PLEC: variants seen among roughly 807,000 people sequenced by gnomAD.
PLEC encodes hemidesmosomal protein 1.
A neutral mutation model predicts 392.8 loss-of-function variants in PLEC; 216 were observed. The observed-to-expected ratio is 0.55, with a 90% CI of 0.49 to 0.62. PLEC has a LOEUF of 0.62. PLEC is among the 20% of genes least tolerant of loss of function. The pLI is 0.00. For missense variants in PLEC, 6,863 were observed against 6,563.4 expected (o/e 1.05, Z -1.58); for synonymous variants, 3,621 against 2,980.6 (o/e 1.21, Z -7.00).
In PLEC at chr8:143,920,343, G is replaced by A. The variant is rs1554681458; in HGVS notation, c.9478C>T (p.Arg3160Ter). Residue 3160 changes from arginine (R) to a stop codon, truncating the protein, a stop_gained, in exon 32 of 32, where the codon CGA (arginine) becomes TGA (stop). Coordinates refer to ENST00000345136, the MANE Select transcript of PLEC (RefSeq NM_201384.3). LOFTEE classifies it high-confidence loss of function. ...HRVPLDVACA[R>*]GCLDEETSRA... is the part of the protein sequence containing the mutation. ...CTGGTCTCCTCATCCAGGCAGCCTC[G>A]GGCGCAGGCGACATCCAGGGGCACG... 2 of 1,593,818 alleles carry A rather than the reference G, an allele frequency of 1.3e-6. No individual in the cohort carries two copies. Among genetic ancestry groups the A allele is most frequent in the Non-Finnish European group, 1.7e-6 (2 of 1,175,404 alleles).
chr8:143,966,152 C>T (rs1007596222), intron 1 of PLEC, among the ~76,000 whole-genome samples: 3 of 152,230 alleles, frequency 2.0e-5, no homozygotes, highest in Non-Finnish European at 4.4e-5. Flanking sequence ...CAGGCCTCAC[C>T]CTGCTCCCAA....
rs553811387 is a variant in PLEC at position 143,931,977 on chromosome 8, C to G, written c.2138G>C (p.Cys713Ser). The change falls in exon 18 of 32, where the codon TGT (cysteine) becomes TCT (serine). Residue 713 changes from cysteine to serine, a missense_variant. Coordinates refer to ENST00000345136, the MANE Select transcript of PLEC (RefSeq NM_201384.3). ...GTTCTCCTTCAGGTGTGCCTCGATA[C>G]AGCAGCACAGCTGTAGCATCCAGCT... Reference protein sequence around the residue: ...QWSWMLQLCCCIEAHLKENAA... With the variant: ...QWSWMLQLCCSIEAHLKENAA... The G allele has an allele frequency of 4.9e-5, 79 of 1,608,026 alleles. 1 individual carries two copies. The South Asian group carries it at 8.3e-4, about 17-fold the overall frequency.
chr8:143,923,333 T>G lies in PLEC; in HGVS notation c.6596A>C (p.Asp2199Ala), dbSNP rs1406926185. The change falls in exon 31 of 32, where the codon GAC becomes GCC. Residue 2199 changes from aspartate to alanine, a missense_variant. Asp to Ala is a moderately radical substitution (Grantham distance 126). Transcript: ENST00000345136. ...CTCGTCCAGCAGGTTCTTCTGGTGGTCGGTCTCCTCCAGCTGCAGCCGCAG... is the reference window on the plus strand; with the variant it reads ...CTCGTCCAGCAGGTTCTTCTGGTGGGCGGTCTCCTCCAGCTGCAGCCGCAG... ...TTLRLQLEET[D>A]HQKNLLDEEL... 1 of 1,609,938 alleles carries G rather than the reference T, an allele frequency of 6.2e-7. No homozygotes were observed. The highest frequency in any genetic ancestry group is 8.5e-7 in the Non-Finnish European group (1 of 1,179,452).
intron 2 of PLEC, 81 bp downstream of exon 2, chr8:143,938,550 C>G (rs1829695246): frequency 1.9e-6 from 3 of 1,557,264 alleles, no homozygotes. Context: ...ATGGGGACAG[C>G]CTTGGGCGGC....
chr8:143,943,674 T>A (rs1830912981), upstream of PLEC: 4 of 1,096,732 alleles, frequency 3.6e-6, no homozygotes, highest in Non-Finnish European at 4.0e-6. Flanking sequence ...TTCACTGACA[T>A]TCAGCTTGGA....
At chr8:143,974,058 C>A (rs1281475609), upstream of PLEC, among the ~76,000 whole-genome samples, 1 of 152,222 alleles carries the variant, frequency 6.6e-6, no homozygotes, top group Non-Finnish European at 1.5e-5. The surrounding 1 kb of genome is among the most constrained non-coding windows in gnomAD (Gnocchi z 5.9). Flanking sequence ...GCAAAGCCCC[C>A]GCTCTCCCCG....
At chr8:143,928,116 G>C in intron 25 of PLEC, 124 bp from the exon 26 acceptor site, 1 of 1,184,302 alleles carries the variant, frequency 8.4e-7, no homozygotes, top group Non-Finnish European at 1.2e-6. Context: ...CTGGGGGTCA[G>C]CTGACCCTGT....
exon 1 of PLEC, chr8:143,950,744 C>T: frequency 6.5e-7 from 1 of 1,541,962 alleles, no homozygotes; most frequent in Non-Finnish European, 8.7e-7. Flanking sequence ...GGGGCAAAGG[C>T]AGCAGGCAGG....
In PLEC at chr8:143,927,347, T is replaced by C. The variant is rs782298568; in HGVS notation, c.3757-12A>G. ...TCCTCCAGCAGGGCCTGGGTGATGGTGTGGTCAGAGCCGTGGCCGCAGGGC... is the reference window on the plus strand; with the variant it reads ...TCCTCCAGCAGGGCCTGGGTGATGGCGTGGTCAGAGCCGTGGCCGCAGGGC... On this transcript the variant is annotated splice_polypyrimidine_tract_variant and intron_variant, in intron 27 of 31. Coordinates refer to ENST00000345136, the MANE Select transcript of PLEC (RefSeq NM_201384.3). 3.1e-6 allele frequency: 5 copies of C among 1,612,556 alleles called. No individual in the cohort carries two copies. In the South Asian group the frequency reaches 4.4e-5, roughly 14 times the overall value.
chr8:143,920,077 G>A lies in PLEC; in HGVS notation c.9744C>T (p.Gly3248=). ...TGAGCTCCCACACCGTCACCGTCCTGCCCTTGAAGCCACCCACGGGGACCT... is the reference window on the plus strand; with the variant it reads ...TGAGCTCCCACACCGTCACCGTCCTACCCTTGAAGCCACCCACGGGGACCT... ...PVEVPVGGFK[G]RTVTVWELIS... is the part of the protein sequence containing the mutation. The change falls in exon 32 of 32, where the codon GGC becomes GGT. Residue 3248 remains glycine, a synonymous_variant. Transcript: ENST00000345136. The A allele has an allele frequency of 6.2e-7, 1 of 1,613,242 alleles. No individual in the cohort carries two copies.
chr8:143,925,473 C>T lies in PLEC; in HGVS notation c.4456G>A (p.Glu1486Lys), dbSNP rs1554702711. ...TCCTGCGCCTGTCGCTTTTGTGCCT[C>T]AGCCTCCTCCGCCCGTGCACGCAGT... ...QALRARAEEA[E>K]AQKRQAQEEA... Residue 1486 changes from glutamate to lysine, a missense_variant, in exon 31 of 32, where the codon GAG (glutamate) becomes AAG (lysine). By Grantham distance (56) the Glu-to-Lys change is moderately conservative. Coordinates refer to ENST00000345136, the MANE Select transcript of PLEC (RefSeq NM_201384.3). The T allele has an allele frequency of 1.3e-6, 2 of 1,595,960 alleles. No homozygotes were observed. Among genetic ancestry groups the T allele is most frequent in the South Asian group, 2.2e-5 (2 of 90,882 alleles).
chr8:143,970,434 C>T (rs957393105), intron 1 of PLEC, among the ~76,000 whole-genome samples: 1 of 152,124 alleles, frequency 6.6e-6, no homozygotes, highest in Non-Finnish European at 1.5e-5. Context: ...ATTTGGCCGC[C>T]CCTTTACAGG....
chr8:143,959,300 C>A (rs913627490), intron 1 of PLEC, among the ~76,000 whole-genome samples: 1 of 152,142 alleles, frequency 6.6e-6, no homozygotes, highest in South Asian at 2.1e-4. Flanking sequence ...TTAAAAGACC[C>A]GAGAGATTTC....
upstream of PLEC, chr8:143,958,486 C>G (rs1170110839): frequency 9.6e-6 from 3 of 311,710 alleles, no homozygotes; most frequent in African/African-American, 6.5e-5. The surrounding 1 kb of genome is among the most constrained non-coding windows in gnomAD (Gnocchi z 4.9). Flanking sequence ...GCCCATCGTT[C>G]CCAAATATCT....
chr8:143,926,717 C>T, intron 30 of PLEC, 67 bp downstream of exon 30: 4 of 1,319,624 alleles, frequency 3.0e-6, no homozygotes, highest in Non-Finnish European at 4.4e-6. Context: ...GCTCCTGTGG[C>T]TGTGTGTGGG....
chr8:143,919,745 C>T lies in PLEC; in HGVS notation c.10076G>A (p.Gly3359Asp). Reference protein sequence around the residue: ...TLLQGSGCLAGIYLEDTKEKV... With the variant: ...TLLQGSGCLADIYLEDTKEKV... The stretch of plus-strand genomic sequence containing the variant: ...CTCCTTGGTGTCCTCCAGGTAGATG[C>T]CGGCGAGGCAGCCACTGCCCTGCAG... The change falls in exon 32 of 32, where the codon GGC (glycine) becomes GAC (aspartate). Residue 3359 changes from glycine (G) to aspartate (D), a missense_variant. Transcript: ENST00000345136. The T allele has an allele frequency of 6.2e-7, 1 of 1,608,900 alleles. No individual in the cohort carries two copies.
Position 143,920,828 on chromosome 8 carries a change from T to C in PLEC, c.8993A>G (p.Gln2998Arg), listed in dbSNP as rs1554683144. ...ESRVIDRELYQQLQRGERSVR... is the reference protein window; with the variant it reads ...ESRVIDRELYRQLQRGERSVR... Reference sequence around the variant, plus strand: ...AGAGCGCTCACCTCGCTGCAGCTGCTGGTAGAGCTCGCGGTCGATGACCCT... The same window carrying C: ...AGAGCGCTCACCTCGCTGCAGCTGCCGGTAGAGCTCGCGGTCGATGACCCT... Residue 2998 changes from glutamine to arginine, a missense_variant, in exon 32 of 32, where the codon CAG becomes CGG. Coordinates refer to ENST00000345136, the MANE Select transcript of PLEC (RefSeq NM_201384.3). 6.2e-7 allele frequency: 1 copy of C among 1,608,732 alleles called. No homozygotes were observed. The highest frequency in any genetic ancestry group is 8.5e-7 in the Non-Finnish European group (1 of 1,179,936).
In PLEC at chr8:143,924,628, C is replaced by A. The variant is rs782513203; in HGVS notation, c.5301G>T (p.Leu1767=). Residue 1767 remains leucine (L), a synonymous_variant, in exon 31 of 32, where the codon CTG becomes CTT. Coordinates refer to ENST00000345136, the MANE Select transcript of PLEC (RefSeq NM_201384.3). ...CCTCAGCCCTCGCCTTGCTGGCCAG[C>A]AGCACCTCCATCTCGGCCCGCACCT... ...LAKVRAEMEV[L]LASKARAEEE... 6.0e-5 allele frequency: 92 copies of A among 1,539,538 alleles called. No homozygotes were observed. Among genetic ancestry groups the A allele is most frequent in the Non-Finnish European group, 7.9e-5 (91 of 1,148,954 alleles).
chr8:143,973,567 C>G, upstream of PLEC: 1 of 1,001,290 alleles, frequency 1.0e-6, no homozygotes, highest in Non-Finnish European at 1.2e-6. The surrounding 1 kb of genome is among the most constrained non-coding windows in gnomAD (Gnocchi z 5.6). Context: ...AGAGGCCGCC[C>G]CCGCCCCGCC....
Sources: allele counts gnomAD v4.1 joint callset (sites outside exome capture counted in the v4.1 genomes callset), GRCh38; gene constraint gnomAD v4.1.1; non-coding constraint Gnocchi (gnomAD v3.1); transcripts MANE v1.5; gene names NCBI Gene and HGNC (gene_info 2026-07-23, HGNC 2026-07-21).